Variants in IKZF2 observed in about 807,000 individuals in gnomAD.
IKZF2 encodes the protein IKAROS family zinc finger 2, also known as zinc finger protein Helios.
In IKZF2, 15 loss-of-function variants were observed where a neutral mutation model predicts 49.2. The ratio of observed to expected loss-of-function variants is 0.30; its 90% CI spans 0.20 to 0.47. IKZF2 has a LOEUF of 0.47. Ranked by LOEUF, IKZF2 falls within the 20% of genes least tolerant of loss-of-function variation. IKZF2 has a pLI of 1.00. For missense variants in IKZF2, 567 were observed against 664.6 expected (o/e 0.85, Z 1.61); for synonymous variants, 227 against 221.4 (o/e 1.03, Z -0.23).
intron 4 of IKZF2, among the ~76,000 whole-genome samples, chr2:213,083,379 C>G (rs993835747): frequency 7.4e-6 from 1 of 135,708 alleles, no homozygotes; most frequent in African/African-American, 2.9e-5. Context: ...CATAGGACGG[C>G]GAACCTTTTT....
chr2:213,060,491 C>T lies in IKZF2; in HGVS notation c.140-3392G>A, dbSNP rs141851923. On this transcript the variant is annotated intron_variant, in intron 4 of 8. Coordinates refer to ENST00000434687, the MANE Select transcript of IKZF2 (RefSeq NM_001387220.1). ...ATTTTACAATTTGGTAACACAAAGA[C>T]ATCCTCATAAATGGGCTATAAAGAT... 9.0e-3 allele frequency among the ~76,000 whole-genome samples: 1,358 copies of T among 151,376 alleles called. 12 individuals carry two copies. Among genetic ancestry groups the T allele is most frequent in the African/African-American group, 0.031 (1,269 of 41,454 alleles).
At chr2:213,095,781 T>C (rs1168693607) in intron 4 of IKZF2, among the ~76,000 whole-genome samples, 1 of 151,996 alleles carries the variant, frequency 6.6e-6, no homozygotes, top group Non-Finnish European at 1.5e-5. Flanking sequence ...TAAAGAAAAA[T>C]AAGTTATTGT....
rs142504422 is a variant in IKZF2, at chr2:213,022,327, G to A, written c.575-197C>T. Among the ~76,000 whole-genome samples the A allele has an allele frequency of 7.1e-4, 108 of 152,242 alleles. 3 individuals carry two copies. The East Asian group carries it at 0.02, about 28-fold the overall frequency. ...ACAAAGACAAGAAGACAGGTGGATC[G>A]TACCTCTGGCAACAGGGGAAATACT... On this transcript the variant is annotated intron_variant, in intron 6 of 8. Transcript: ENST00000434687.
chr2:213,126,927 A>G (rs913716139), intron 4 of IKZF2, among the ~76,000 whole-genome samples: 2 of 152,178 alleles, frequency 1.3e-5, no homozygotes, highest in South Asian at 2.1e-4. Context: ...AAAACCATCA[A>G]TCTTTGGGTA....
chr2:213,106,257 T>G (rs2059522426), intron 4 of IKZF2, among the ~76,000 whole-genome samples: 1 of 151,988 alleles, frequency 6.6e-6, no homozygotes, highest in Non-Finnish European at 1.5e-5. Context: ...AAAAGAAAAT[T>G]ATGGAAAGAC....
At chr2:213,136,589 A>G (rs1445807334) in intron 4 of IKZF2, among the ~76,000 whole-genome samples, 1 of 152,048 alleles carries the variant, frequency 6.6e-6, no homozygotes, top group Non-Finnish European at 1.5e-5. Flanking sequence ...TTTCAAAGTT[A>G]AATGGATGTA....
intron 5 of IKZF2, among the ~76,000 whole-genome samples, chr2:213,050,991 G>A (rs1384356934): frequency 6.6e-6 from 1 of 151,960 alleles, no homozygotes; most frequent in Non-Finnish European, 1.5e-5. Flanking sequence ...GGTTGAACTG[G>A]ACCATTTCTT....
chr2:213,008,178 CTGAT>C (rs2125010553), intron 8 of IKZF2, 94 bp from the exon 9 acceptor site: 5 of 1,346,548 alleles, frequency 3.7e-6, no homozygotes, highest in East Asian at 2.5e-5. Flanking sequence ...ACGAAGTTGA[CTGAT>C]TGCCTCCATT....
chr2:213,028,174 C>T (rs1248135300), intron 6 of IKZF2, among the ~76,000 whole-genome samples: 1 of 151,940 alleles, frequency 6.6e-6, no homozygotes, highest in African/African-American at 2.4e-5. Flanking sequence ...CTTAAATTAT[C>T]TCAGTACCTT....
At chr2:213,103,669 CTT>C (rs2059424057) in intron 4 of IKZF2, among the ~76,000 whole-genome samples, 2 of 151,980 alleles carry the variant, frequency 1.3e-5, no homozygotes, top group East Asian at 1.9e-4. Context: ...GTTTTGTAAA[CTT>C]TGAATAATTA....
At chr2:213,020,075 G>A (rs1016983236) in intron 7 of IKZF2, among the ~76,000 whole-genome samples, 7 of 152,028 alleles carry the variant, frequency 4.6e-5, no homozygotes, top group Admixed American at 2.6e-4. Context: ...AATGCATAAC[G>A]CCATCAAATG....
intron 4 of IKZF2, among the ~76,000 whole-genome samples, chr2:213,102,954 AAG>A (rs1706883748): frequency 6.6e-6 from 1 of 152,114 alleles, no homozygotes. Context: ...ATGGAAAAAT[AAG>A]AGAGGTAAGA....
intron 4 of IKZF2, among the ~76,000 whole-genome samples, chr2:213,122,394 A>G (rs2060089092): frequency 6.6e-6 from 1 of 152,208 alleles, no homozygotes; most frequent in Non-Finnish European, 1.5e-5. Flanking sequence ...TTAGAGTCGC[A>G]GGCTCCTCCT....
chr2:213,072,252 C>T (rs1178116683), intron 4 of IKZF2, among the ~76,000 whole-genome samples: 1 of 149,592 alleles, frequency 6.7e-6, no homozygotes, highest in African/African-American at 2.5e-5. Context: ...ATTTCTGTCA[C>T]TAATTGGTCA....
chr2:213,073,116 C>T (rs11689451), intron 4 of IKZF2, among the ~76,000 whole-genome samples: 55,710 of 151,908 alleles, frequency 0.37, 12,746 homozygotes, highest in East Asian at 0.72. Flanking sequence ...CTACTTAATA[C>T]GTCATAAGTC....
intron 4 of IKZF2, among the ~76,000 whole-genome samples, chr2:213,068,511 A>G (rs1224148081): frequency 1.3e-5 from 2 of 152,130 alleles, no homozygotes; most frequent in Non-Finnish European, 1.5e-5. Context: ...ATCTATGATT[A>G]CAGAATACAA....
At chr2:213,063,855 G>C (rs920618547) in intron 4 of IKZF2, among the ~76,000 whole-genome samples, 8 of 151,974 alleles carry the variant, frequency 5.3e-5, no homozygotes, top group Admixed American at 2.6e-4. Context: ...ATCAGTCATA[G>C]GCAAACAGTT....
intron 4 of IKZF2, among the ~76,000 whole-genome samples, chr2:213,081,537 G>A (rs1001883251): frequency 6.6e-5 from 10 of 152,168 alleles, no homozygotes; most frequent in African/African-American, 2.4e-4. Context: ...ATATAAAAGA[G>A]GGGATGATCA....
At chr2:213,046,632 G>A (rs934834567) in intron 6 of IKZF2, among the ~76,000 whole-genome samples, 3 of 152,138 alleles carry the variant, frequency 2.0e-5, no homozygotes, top group Admixed American at 6.6e-5. Context: ...CATATGGCAT[G>A]GCCATATGGT....
Sources: allele counts gnomAD v4.1 joint callset (sites outside exome capture counted in the v4.1 genomes callset), GRCh38; gene constraint gnomAD v4.1.1; transcripts MANE v1.5; gene names NCBI Gene and HGNC (gene_info 2026-07-23, HGNC 2026-07-21).